Variants in UBR2 observed in about 807,000 individuals in gnomAD.
UBR2 encodes ubiquitin protein ligase E3 component n-recognin 2, also known as E3 ubiquitin-protein ligase UBR2.
A neutral mutation model predicts 247.9 loss-of-function variants in UBR2; 92 were observed. The observed-to-expected ratio is 0.37, with a 90% CI of 0.31 to 0.44. The LOEUF is 0.44. UBR2 is among the 20% of genes least tolerant of loss of function. The pLI, the probability that UBR2 is intolerant of heterozygous loss-of-function variation, is 1.00. For missense variants in UBR2, 1,613 were observed against 2,112.6 expected (o/e 0.76, Z 4.64); for synonymous variants, 672 against 693.5 (o/e 0.97, Z 0.49).
intron 15 of UBR2, among the ~76,000 whole-genome samples, chr6:42,638,717 G>A (rs923943987): frequency 2.0e-5 from 3 of 151,932 alleles, no homozygotes; most frequent in Admixed American, 1.3e-4. Flanking sequence ...GAAGTAGCAC[G>A]CAGGCGCAGC....
intron 32 of UBR2, chr6:42,664,184 T>A (rs930592521): frequency 6.6e-6 from 1 of 151,624 alleles, no homozygotes; most frequent in Non-Finnish European, 1.5e-5. Flanking sequence ...GCAGCACATA[T>A]ACTAAAATTG....
intron 31 of UBR2, 30 bp downstream of exon 31, chr6:42,662,307 GAAGTTTATCT>G (rs776522880): frequency 1.0e-4 from 145 of 1,395,150 alleles, no homozygotes; most frequent in Non-Finnish European, 1.4e-4. Flanking sequence ...TTTGTCAAGA[GAAGTTTATCT>G]AAGGGCTCAA....
intron 41 of UBR2, 95 bp downstream of exon 41, chr6:42,678,764 A>C: frequency 7.1e-7 from 1 of 1,410,594 alleles, no homozygotes; most frequent in Non-Finnish European, 9.6e-7. Context: ...ATTGACTAAA[A>C]GTTCAAAGAA....
chr6:42,622,076 C>A (rs925524919), intron 11 of UBR2, among the ~76,000 whole-genome samples: 4 of 151,868 alleles, frequency 2.6e-5, no homozygotes, highest in Admixed American at 6.6e-5. Context: ...AGCACAGTGG[C>A]ACAATCTTGG....
At chr6:42,586,870 G>A (rs1348337219) in intron 2 of UBR2, among the ~76,000 whole-genome samples, 2 of 145,680 alleles carry the variant, frequency 1.4e-5, no homozygotes, top group Non-Finnish European at 3.0e-5. Flanking sequence ...CGCTGAGGCT[G>A]GAGTGCAGTG....
intron 34 of UBR2, 38 bp from the exon 35 acceptor site, chr6:42,670,054 A>G (rs1403568583): frequency 6.2e-7 from 1 of 1,608,600 alleles, no homozygotes; most frequent in Non-Finnish European, 8.5e-7. Context: ...TGATATGTGC[A>G]CATTGTTCTG....
intron 43 of UBR2, 47 bp from the exon 44 acceptor site, chr6:42,684,747 A>G: frequency 1.4e-6 from 2 of 1,476,326 alleles, no homozygotes; most frequent in Non-Finnish European, 1.9e-6. Flanking sequence ...ATAGTATAAT[A>G]TGACCTAAAT....
chr6:42,606,837 T>C (rs1018186425), intron 7 of UBR2, among the ~76,000 whole-genome samples, 186 bp downstream of exon 7: 4 of 152,206 alleles, frequency 2.6e-5, no homozygotes, highest in African/African-American at 2.4e-5. Context: ...AGGATTGATA[T>C]AGAAAATGAG....
intron 34 of UBR2, among the ~76,000 whole-genome samples, chr6:42,666,466 G>A (rs1007167988): frequency 6.6e-6 from 1 of 151,976 alleles, no homozygotes. Context: ...TTCCAGTCTG[G>A]GTGACAGAGT....
chr6:42,619,596 A>G, intron 11 of UBR2: 1 of 215,820 alleles, frequency 4.6e-6, no homozygotes, highest in Non-Finnish European at 9.0e-6. Context: ...TAAAAATAGA[A>G]AAATTAGCCA....
intron 16 of UBR2, among the ~76,000 whole-genome samples, 199 bp from the exon 17 acceptor site, chr6:42,641,383 G>GA (rs1796436398): frequency 6.6e-6 from 1 of 152,118 alleles, no homozygotes; most frequent in African/African-American, 2.4e-5. Flanking sequence ...AGAATGGCTT[G>GA]AACCTGGGAG....
At chr6:42,672,859 G>C (rs1798525727) in intron 36 of UBR2, among the ~76,000 whole-genome samples, 1 of 151,954 alleles carries the variant, frequency 6.6e-6, no homozygotes, top group African/African-American at 2.4e-5. Context: ...GGGGAGAATG[G>C]GTTTTATTTG....
chr6:42,670,326 T>C, intron 35 of UBR2, 86 bp downstream of exon 35: 3 of 1,506,700 alleles, frequency 2.0e-6, no homozygotes, highest in South Asian at 2.5e-5. Context: ...AAATGAAATG[T>C]TTGAAGTGGG....
intron 8 of UBR2, among the ~76,000 whole-genome samples, chr6:42,614,354 GTGTATATA>G (rs1794345805): frequency 2.6e-5 from 1 of 37,906 alleles, no homozygotes; most frequent in African/African-American, 1.0e-4. Flanking sequence ...GTATGTATGT[GTGTATATA>G]TGTGTGTATG....
intron 22 of UBR2, 29 bp downstream of exon 22, chr6:42,648,199 CT>C: frequency 1.3e-6 from 2 of 1,584,762 alleles, no homozygotes; most frequent in Non-Finnish European, 1.7e-6. Flanking sequence ...ATTTCACATT[CT>C]TTTTTACTTT....
chr6:42,688,821 G>T (rs1799594174), intron 45 of UBR2, among the ~76,000 whole-genome samples: 1 of 152,210 alleles, frequency 6.6e-6, no homozygotes, highest in Non-Finnish European at 1.5e-5. Context: ...GTAGTCCACA[G>T]TGCAAAGATC....
At chr6:42,640,057 T>G (rs1438637610) in intron 15 of UBR2, 152 bp from the exon 16 acceptor site, 3 of 623,446 alleles carry the variant, frequency 4.8e-6, no homozygotes, top group Non-Finnish European at 8.1e-6. Context: ...AAGCCTCTTA[T>G]GAATATAGAT....
At chr6:42,567,432 G>A (rs935446923) in intron 1 of UBR2, among the ~76,000 whole-genome samples, 34 of 152,030 alleles carry the variant, frequency 2.2e-4, no homozygotes, top group African/African-American at 7.5e-4. Flanking sequence ...GAGTGATTAC[G>A]GTTTTAAAAG....
intron 21 of UBR2, 122 bp downstream of exon 21, chr6:42,645,712 T>C (rs1450580100): frequency 3.9e-6 from 4 of 1,037,042 alleles, no homozygotes; most frequent in Middle Eastern, 2.3e-4. Context: ...TCATGGGATG[T>C]GTATAATTCC....
Sources: gnomAD v4.1 joint callset for allele counts (sites outside exome capture counted in the v4.1 genomes callset) on GRCh38, gnomAD v4.1.1 for gene constraint, MANE v1.5 for transcripts, NCBI Gene and HGNC (gene_info 2026-07-23, HGNC 2026-07-21) for gene names.